Variants in EFNA5 observed in about 807,000 individuals in gnomAD.
The protein encoded by EFNA5 is ephrin A5, also known as ephrin-A5.
Under a neutral mutation model 22.9 loss-of-function variants are expected in EFNA5, and 5 were observed. That is an observed-to-expected ratio of 0.22 (90% CI 0.11 to 0.46). EFNA5 has a LOEUF of 0.46. Among genes scored for constraint, EFNA5 ranks in the 20% least tolerant of loss-of-function variants. EFNA5 has a pLI of 0.99. For synonymous variants in EFNA5, 113 were observed against 112.2 expected (o/e 1.01, Z -0.04); for missense variants, 237 against 293.3 (o/e 0.81, Z 1.40).
chr5:107,568,950 G>A (rs1258199231), intron 1 of EFNA5, among the ~76,000 whole-genome samples: 2 of 152,000 alleles, frequency 1.3e-5, no homozygotes, highest in African/African-American at 4.8e-5. Flanking sequence ...ACAATGTCAG[G>A]ACAGCTAAAT....
rs550448644 is a variant in EFNA5, at chr5:107,380,108, G to A, written c.*1147C>T. The A allele has an allele frequency of 3.9e-5, 6 of 151,932 alleles. No homozygotes were observed. The highest frequency in any genetic ancestry group is 8.8e-5 in the Non-Finnish European group (6 of 67,998). 9.4% of individuals were successfully genotyped at this position (151,932 alleles called of 1,614,324 possible). A position where few individuals can be genotyped will look rare whatever the true frequency, so the allele number is the denominator to read the frequency against. Reference sequence around the variant, plus strand: ...CCAAGTAGTGCTGACTGACTCTCCTGGTGACAGGGGTTTGTGTCCGAGCCC... The same window carrying A: ...CCAAGTAGTGCTGACTGACTCTCCTAGTGACAGGGGTTTGTGTCCGAGCCC... On this transcript the variant is annotated 3_prime_UTR_variant, in exon 5 of 5. Transcript: ENST00000333274.
At chr5:107,556,790 A>T (rs150560655) in intron 1 of EFNA5, among the ~76,000 whole-genome samples, 3,997 of 140,568 alleles carry the variant, frequency 0.028, 308 homozygotes, top group African/African-American at 0.099. Flanking sequence ...ATAAATAAAT[A>T]AAATAAAATA....
At chr5:107,477,612 C>G (rs1348132015) in intron 1 of EFNA5, among the ~76,000 whole-genome samples, 2 of 151,978 alleles carry the variant, frequency 1.3e-5, no homozygotes, top group East Asian at 3.8e-4. Context: ...CTATATAACC[C>G]TTCTTTCTTT....
At chr5:107,520,523 T>C (rs1271989242) in intron 1 of EFNA5, among the ~76,000 whole-genome samples, 1 of 152,240 alleles carries the variant, frequency 6.6e-6, no homozygotes, top group Non-Finnish European at 1.5e-5. Flanking sequence ...GAGCATCTAT[T>C]TGTATCTGTG....
intron 1 of EFNA5, among the ~76,000 whole-genome samples, chr5:107,636,514 T>C (rs1437580274): frequency 2.0e-5 from 3 of 152,274 alleles, no homozygotes; most frequent in Non-Finnish European, 4.4e-5. Context: ...AAGTTTCTTC[T>C]GGACACCCTC....
rs545095298 is a variant in EFNA5, at chr5:107,589,077, C to T, written c.125+81412G>A. ...CTATGTGGCAGTATGAGAGTGAAAC[C>T]CAGTCTAGAGACTTGCCATTTCAAG... On this transcript the variant is annotated intron_variant, in intron 1 of 4. Transcript: ENST00000333274. Among the ~76,000 whole-genome samples, 9 of 152,198 alleles carry T rather than the reference C, an allele frequency of 5.9e-5. No individual in the cohort carries two copies. The South Asian group carries it at 1.9e-3, about 32-fold the overall frequency.
chr5:107,457,963 G>A (rs1226667054), intron 1 of EFNA5, among the ~76,000 whole-genome samples: 1 of 152,138 alleles, frequency 6.6e-6, no homozygotes, highest in African/African-American at 2.4e-5. Flanking sequence ...CAGACAAAGA[G>A]AGATTTTAGA....
chr5:107,634,604 G>A lies in EFNA5; in HGVS notation c.125+35885C>T, dbSNP rs1041497950. 4.8e-5 allele frequency among the ~76,000 whole-genome samples: 7 copies of A among 146,002 alleles called. 1 individual carries two copies. The highest frequency in any genetic ancestry group is 4.3e-4 in the Admixed American group (6 of 13,990). ...AGGTACCCTCCTACCAACGCCCTGGGGAGTTCAAAACTCAGTAACACTGAC... is the reference window on the plus strand; with the variant it reads ...AGGTACCCTCCTACCAACGCCCTGGAGAGTTCAAAACTCAGTAACACTGAC... On this transcript the variant is annotated intron_variant, in intron 1 of 4. Coordinates refer to ENST00000333274, the MANE Select transcript of EFNA5 (RefSeq NM_001962.3).
chr5:107,408,628 A>C (rs1452310453), intron 2 of EFNA5, among the ~76,000 whole-genome samples: 2 of 152,204 alleles, frequency 1.3e-5, no homozygotes, highest in Non-Finnish European at 2.9e-5. Flanking sequence ...AGAATAAAAA[A>C]CAGAATTTTA....
intron 2 of EFNA5, among the ~76,000 whole-genome samples, chr5:107,397,140 C>A (rs1427572876): frequency 6.6e-6 from 1 of 151,728 alleles, no homozygotes. Context: ...ATAGTCCCAA[C>A]TACTAGGGAG....
At chr5:107,396,804 T>C (rs939409585) in intron 2 of EFNA5, among the ~76,000 whole-genome samples, 5 of 152,152 alleles carry the variant, frequency 3.3e-5, no homozygotes, top group African/African-American at 1.2e-4. Flanking sequence ...CTGTTCCTTT[T>C]GAAAATATGT....
In EFNA5 at chr5:107,503,322, G is replaced by A. The variant is rs76202083; in HGVS notation, c.126-75813C>T. The stretch of plus-strand genomic sequence containing the variant: ...TTTTGCCCAGTTGCAATGCCTTCAC[G>A]TAAAATGTCAACAGTTCTAACCATC... On this transcript the variant is annotated intron_variant, in intron 1 of 4. Transcript: ENST00000333274. Among the ~76,000 whole-genome samples the A allele has an allele frequency of 7.7e-3, 1,173 of 152,234 alleles. 14 individuals carry two copies. Among genetic ancestry groups the A allele is most frequent in the African/African-American group, 0.027 (1,120 of 41,546 alleles).
At chr5:107,579,387 C>A (rs1366524853) in intron 1 of EFNA5, among the ~76,000 whole-genome samples, 2 of 152,160 alleles carry the variant, frequency 1.3e-5, no homozygotes, top group African/African-American at 4.8e-5. Context: ...GTAATCATTA[C>A]TACTGTTTGA....
chr5:107,403,680 G>A (rs1264639848), intron 2 of EFNA5, among the ~76,000 whole-genome samples: 1 of 152,160 alleles, frequency 6.6e-6, no homozygotes. Flanking sequence ...CTTTATATCT[G>A]CAACCCTAGA....
At chr5:107,568,189 G>T (rs986456055) in intron 1 of EFNA5, among the ~76,000 whole-genome samples, 1 of 152,162 alleles carries the variant, frequency 6.6e-6, no homozygotes, top group Non-Finnish European at 1.5e-5. Flanking sequence ...GAGCCACTGT[G>T]CCTGGCCTAT....
intron 1 of EFNA5, among the ~76,000 whole-genome samples, chr5:107,642,878 GAC>G (rs1194790272): frequency 6.7e-6 from 1 of 149,200 alleles, no homozygotes; most frequent in African/African-American, 2.5e-5. Context: ...TAGATGAGAA[GAC>G]AGATTTGTGT....
chr5:107,391,205 A>T (rs1432908612), intron 2 of EFNA5, among the ~76,000 whole-genome samples: 1 of 152,208 alleles, frequency 6.6e-6, no homozygotes, highest in Non-Finnish European at 1.5e-5. Context: ...CAGCTTCTTT[A>T]TTAGGTGCTG....
At chr5:107,558,082 T>TA (rs914706926) in intron 1 of EFNA5, among the ~76,000 whole-genome samples, 59 of 152,030 alleles carry the variant, frequency 3.9e-4, no homozygotes, top group Non-Finnish European at 6.2e-4. Context: ...TTTTGCATTT[T>TA]AAAAAAAGTC....
At chr5:107,541,204 T>C (rs1748040161) in intron 1 of EFNA5, among the ~76,000 whole-genome samples, 1 of 152,172 alleles carries the variant, frequency 6.6e-6, no homozygotes, top group African/African-American at 2.4e-5. Context: ...TGAAAATTAA[T>C]TATTAATATA....
Sources: gnomAD v4.1 joint callset for allele counts (sites outside exome capture counted in the v4.1 genomes callset) on GRCh38, gnomAD v4.1.1 for gene constraint, MANE v1.5 for transcripts, NCBI Gene and HGNC (gene_info 2026-07-23, HGNC 2026-07-21) for gene names.